Variants in NEO1 observed in about 807,000 individuals in gnomAD.
NEO1 encodes neogenin.
In NEO1, 63 loss-of-function variants were observed where a neutral mutation model predicts 159.7. That is an observed-to-expected ratio of 0.39 (90% CI 0.32 to 0.49). The LOEUF (loss-of-function observed/expected upper bound fraction) is 0.49, where lower values mean the gene tolerates loss of function less well. NEO1 is among the 20% of genes least tolerant of loss of function. The pLI, the probability that NEO1 is intolerant of heterozygous loss-of-function variation, is 0.85. For synonymous variants in NEO1, 633 were observed against 662.0 expected, an observed-to-expected ratio of 0.96 and a Z score of 0.67; for missense variants, 1,615 against 1,831.0, an observed-to-expected ratio of 0.88 and a Z score of 2.15.
At chr15:73,171,726 CCACCT>C (rs2082340043) in intron 5 of NEO1, among the ~76,000 whole-genome samples, 1 of 151,482 alleles carries the variant, frequency 6.6e-6, no homozygotes, top group Non-Finnish European at 1.5e-5. Flanking sequence ...ACTGCAACCT[CCACCT>C]CCTGGGTTCA....
intron 7 of NEO1, among the ~76,000 whole-genome samples, chr15:73,225,064 G>C (rs2038500176): frequency 6.6e-6 from 1 of 152,142 alleles, no homozygotes; most frequent in Admixed American, 6.5e-5. Flanking sequence ...TGCAGTGATT[G>C]TTACCTCTTT....
chr15:73,220,987 A>G (rs1424361681), intron 7 of NEO1, among the ~76,000 whole-genome samples: 1 of 152,096 alleles, frequency 6.6e-6, no homozygotes, highest in Non-Finnish European at 1.5e-5. Flanking sequence ...GTTCCTTTGG[A>G]GGAGGAGAGG....
intron 5 of NEO1, among the ~76,000 whole-genome samples, chr15:73,150,276 A>AT (rs2033268002): frequency 6.6e-6 from 1 of 152,122 alleles, no homozygotes; most frequent in African/African-American, 2.4e-5. Flanking sequence ...TAAAAGAACT[A>AT]TTTTTCAGAA....
chr15:73,256,963 A>G (rs1448792143), intron 13 of NEO1, among the ~76,000 whole-genome samples: 3 of 145,460 alleles, frequency 2.1e-5, no homozygotes, highest in Non-Finnish European at 3.0e-5. Context: ...GCAGAGGCTG[A>G]AAAAAAAAAA....
chr15:73,052,801 C>A lies in NEO1; in HGVS notation c.126C>A (p.Ser42=). 6.9e-6 allele frequency: 7 copies of A among 1,016,730 alleles called. No individual in the cohort carries two copies. Among genetic ancestry groups the A allele is most frequent in the Non-Finnish European group, 8.4e-6 (7 of 829,788 alleles). 63.0% of individuals were successfully genotyped at this position (1,016,730 alleles called of 1,614,324 possible). ...CCAGGAGCGGCTCCGCGCCGCAGTC[C>A]CCAGGTAAGCGGCGGGCGCGGGCCC... ...AAARSGSAPQ[S]PGASIRTFTP... Residue 42 remains serine, a synonymous_variant, in exon 1 of 29, where the codon TCC becomes TCA. Coordinates refer to ENST00000261908, the MANE Select transcript of NEO1 (RefSeq NM_002499.4).
intron 5 of NEO1, among the ~76,000 whole-genome samples, chr15:73,172,520 C>T (rs912953746): frequency 2.0e-5 from 3 of 152,134 alleles, no homozygotes; most frequent in African/African-American, 7.2e-5. Context: ...TATTTAGTAA[C>T]CCAGGAGTTT....
intron 3 of NEO1, among the ~76,000 whole-genome samples, chr15:73,124,136 C>T (rs191585716): frequency 1.7e-3 from 252 of 152,246 alleles, no homozygotes; most frequent in African/African-American, 5.7e-3. Context: ...GATCTTGGTT[C>T]GCTGCAGCCT....
intron 1 of NEO1, among the ~76,000 whole-genome samples, chr15:73,078,966 A>G (rs975260683): frequency 3.3e-5 from 5 of 152,236 alleles, no homozygotes; most frequent in South Asian, 2.1e-4. Context: ...ACGAAATACT[A>G]AACAGTGTGG....
chr15:73,078,628 G>A (rs546652145), intron 1 of NEO1, among the ~76,000 whole-genome samples: 8 of 152,248 alleles, frequency 5.3e-5, no homozygotes, highest in Non-Finnish European at 8.8e-5. Flanking sequence ...ACGGGCAACC[G>A]TTGGTTGCAC....
Position 73,273,833 on chromosome 15 carries a change from A to C in NEO1, c.2988A>C (p.Thr996=). 6.2e-7 allele frequency: 1 copy of C among 1,613,936 alleles called. No homozygotes were observed. Among genetic ancestry groups the C allele is most frequent in the South Asian group, 1.1e-5 (1 of 91,056 alleles). The change falls in exon 20 of 29, where the codon ACA becomes ACC. Residue 996 remains threonine (T), a synonymous_variant. Transcript: ENST00000261908. ...CAGGTTACATCATATATTACAGTACAGATGTGAATGCAGAGATACATGACT... is the reference window on the plus strand; with the variant it reads ...CAGGTTACATCATATATTACAGTACCGATGTGAATGCAGAGATACATGACT... The part of the protein sequence containing the change: ...KITGYIIYYS[T]DVNAEIHDWV...
chr15:73,248,977 C>A, intron 9 of NEO1, 83 bp from the exon 10 acceptor site: 1 of 1,337,638 alleles, frequency 7.5e-7, no homozygotes, highest in Non-Finnish European at 1.0e-6. Context: ...AAAACGTGGC[C>A]AATATGACAG....
chr15:73,266,466 A>G (rs1216870621), intron 16 of NEO1, 55 bp downstream of exon 16: 2 of 1,394,166 alleles, frequency 1.4e-6, no homozygotes, highest in East Asian at 2.3e-5. Context: ...GCTTAGGCAG[A>G]ATATTGGCAT....
chr15:73,220,805 G>C (rs1182736038), intron 7 of NEO1, among the ~76,000 whole-genome samples: 1 of 152,036 alleles, frequency 6.6e-6, no homozygotes, highest in African/African-American at 2.4e-5. Flanking sequence ...CTCTGTATTG[G>C]TTATTATAGT....
intron 8 of NEO1, among the ~76,000 whole-genome samples, chr15:73,238,415 A>C (rs118064389): frequency 0.021 from 3,230 of 151,350 alleles, 161 homozygotes; most frequent in East Asian, 0.2. Context: ...AGTAACACTC[A>C]GTAAATATTT....
chr15:73,126,766 T>G (rs1388541323), intron 4 of NEO1, 196 bp downstream of exon 4: 1 of 505,114 alleles, frequency 2.0e-6, no homozygotes, highest in Non-Finnish European at 3.3e-6. Context: ...TTTCAAAATA[T>G]TAAGAGATAA....
Position 73,200,289 on chromosome 15 carries a change from G to T in NEO1, c.1291+21862G>T, listed in dbSNP as rs532264657. 2.6e-5 allele frequency among the ~76,000 whole-genome samples: 4 copies of T among 152,142 alleles called. No individual in the cohort carries two copies. The South Asian group carries it at 8.3e-4, about 32-fold the overall frequency. ...AATTTTTGTAATTTGTGTCTTTTAA[G>T]AAATTGGTTGGCCCAGAGTGGTCGC... is the stretch of plus-strand genomic sequence containing the variant. On this transcript the variant is annotated intron_variant, in intron 7 of 28. Transcript: ENST00000261908.
In NEO1 at chr15:73,278,234, T is replaced by C. The variant is rs765719371; in HGVS notation, c.3262+35T>C. 11 of 1,590,916 alleles carry C rather than the reference T, an allele frequency of 6.9e-6. No individual in the cohort carries two copies. The South Asian group carries it at 1.1e-4, about 16-fold the overall frequency. On this transcript the variant is annotated intron_variant, in intron 22 of 28. Coordinates refer to ENST00000261908, the MANE Select transcript of NEO1 (RefSeq NM_002499.4). The stretch of plus-strand genomic sequence containing the variant: ...TTCCCATGGCGTTTTTTGCTTACTA[T>C]GGACATGAAGCACTTTTGCTTAAAT...
intron 3 of NEO1, among the ~76,000 whole-genome samples, chr15:73,123,502 C>A (rs2071792307): frequency 6.6e-6 from 1 of 152,170 alleles, no homozygotes; most frequent in South Asian, 2.1e-4. Flanking sequence ...GCTCTAGAGA[C>A]AATGGCAGGC....
chr15:73,269,035 C>A (rs1248550560), intron 16 of NEO1, among the ~76,000 whole-genome samples: 1 of 152,172 alleles, frequency 6.6e-6, no homozygotes. Context: ...GCTTACCTTT[C>A]CTGAAGGAAG....
Sources: gnomAD v4.1 joint callset for allele counts (sites outside exome capture counted in the v4.1 genomes callset) on GRCh38, gnomAD v4.1.1 for gene constraint, MANE v1.5 for transcripts, NCBI Gene and HGNC (gene_info 2026-07-23, HGNC 2026-07-21) for gene names.